CAMTA1: variants seen among roughly 807,000 people sequenced by gnomAD.
The protein encoded by CAMTA1 is calmodulin binding transcription activator 1.
In CAMTA1, 27 loss-of-function variants were observed where a neutral mutation model predicts 170.9. That is an observed-to-expected ratio of 0.16 (90% confidence interval 0.12 to 0.22). The LOEUF is 0.22. CAMTA1 is among the 10% of genes least tolerant of loss of function. The pLI, the probability that CAMTA1 is intolerant of heterozygous loss-of-function variation, is 1.00. For synonymous variants in CAMTA1, 833 were observed against 891.5 expected, an observed-to-expected ratio of 0.93 and a Z score of 1.17; for missense variants, 1,619 against 2,217.2, an observed-to-expected ratio of 0.73 and a Z score of 5.42.
intron 11 of CAMTA1, among the ~76,000 whole-genome samples, chr1:7,704,211 C>T (rs1213736885): frequency 1.4e-5 from 2 of 147,498 alleles, no homozygotes; most frequent in Admixed American, 1.3e-4. Flanking sequence ...AGCCCGGGAA[C>T]GCGGGCCCTC....
intron 5 of CAMTA1, among the ~76,000 whole-genome samples, chr1:7,265,063 T>A (rs1668706458): frequency 6.6e-6 from 1 of 152,202 alleles, no homozygotes; most frequent in Non-Finnish European, 1.5e-5. Context: ...TTTTCTGGCC[T>A]CGTGCTTGTC....
chr1:7,385,092 A>AT (rs34254610), intron 5 of CAMTA1, among the ~76,000 whole-genome samples: 25,598 of 139,950 alleles, frequency 0.18, 3,150 homozygotes, highest in East Asian at 0.52. Flanking sequence ...CCTGTTCACT[A>AT]TTTTTTTTTT....
rs750841256 is a variant in CAMTA1 at position 7,766,504 on chromosome 1, G to A, written c.*13G>A. ...CCAAGGAACTTGAAGACATACAGCA[G>A]CATCCCTTAGCAATGTGACATTGCT... On this transcript the variant is annotated 3_prime_UTR_variant, in exon 23 of 23. Coordinates refer to ENST00000303635, the MANE Select transcript of CAMTA1 (RefSeq NM_015215.4). 2.5e-6 allele frequency: 4 copies of A among 1,612,944 alleles called. No homozygotes were observed. The highest frequency in any genetic ancestry group is 4.5e-5 in the East Asian group (2 of 44,884).
Position 7,640,480 on chromosome 1 carries a change from C to T in CAMTA1, c.591C>T (p.Cys197=), listed in dbSNP as rs2095752386. The T allele has an allele frequency of 6.2e-7, 1 of 1,614,242 alleles. No individual in the cohort carries two copies. Among genetic ancestry groups the T allele is most frequent in the East Asian group, 2.2e-5 (1 of 44,878 alleles). Residue 197 remains cysteine (C), a synonymous_variant, in exon 7 of 23, where the codon TGC becomes TGT. Coordinates refer to ENST00000303635, the MANE Select transcript of CAMTA1 (RefSeq NM_015215.4). ...GCAAGCCTTGCGGCCCCATCCTCTG[C>T]TCCATCAACACCGACAAGAAGGAGT... The part of the protein sequence containing the change: ...DCGKPCGPIL[C]SINTDKKEWA...
chr1:7,098,578 C>G (rs1227074963), intron 4 of CAMTA1, among the ~76,000 whole-genome samples: 1 of 152,088 alleles, frequency 6.6e-6, no homozygotes, highest in African/African-American at 2.4e-5. Flanking sequence ...GGCGGTGTCT[C>G]GACAGTGGTA....
At chr1:6,839,330 C>T (rs771139158) in intron 3 of CAMTA1, among the ~76,000 whole-genome samples, 2 of 151,830 alleles carry the variant, frequency 1.3e-5, no homozygotes, top group Non-Finnish European at 2.9e-5. Context: ...TGCAGTGAGT[C>T]GAGATCGTGC....
intron 6 of CAMTA1, among the ~76,000 whole-genome samples, chr1:7,619,163 C>A (rs1558011578): frequency 6.6e-6 from 1 of 152,208 alleles, no homozygotes; most frequent in Non-Finnish European, 1.5e-5. Context: ...TCCAACTTCT[C>A]TCCACCTGCC....
intron 5 of CAMTA1, among the ~76,000 whole-genome samples, chr1:7,466,521 G>C (rs2093214735): frequency 6.6e-6 from 1 of 152,168 alleles, no homozygotes; most frequent in Non-Finnish European, 1.5e-5. Flanking sequence ...CGCTCTTTTG[G>C]GGGTGTAAAT....
chr1:6,875,695 T>C (rs1259241109), intron 3 of CAMTA1, among the ~76,000 whole-genome samples: 1 of 152,122 alleles, frequency 6.6e-6, no homozygotes, highest in African/African-American at 2.4e-5. Context: ...TGTGTCACTT[T>C]TAGGGACTCT....
intron 5 of CAMTA1, among the ~76,000 whole-genome samples, chr1:7,256,063 G>A (rs889529027): frequency 3.3e-5 from 5 of 152,192 alleles, no homozygotes; most frequent in African/African-American, 9.6e-5. Flanking sequence ...TTTGTGCCTC[G>A]TTCTGCTGGT....
At chr1:6,842,914 G>A (rs542417929) in intron 3 of CAMTA1, among the ~76,000 whole-genome samples, 12 of 151,392 alleles carry the variant, frequency 7.9e-5, no homozygotes, top group African/African-American at 2.7e-4. Flanking sequence ...ACAAGAGCAA[G>A]TCTCCATCTC....
chr1:6,825,530 G>T (rs1647005673), intron 3 of CAMTA1, among the ~76,000 whole-genome samples: 1 of 152,172 alleles, frequency 6.6e-6, no homozygotes, highest in African/African-American at 2.4e-5. Flanking sequence ...TTAAACGTTA[G>T]TTGTTATGTC....
intron 5 of CAMTA1, chr1:7,382,487 C>T (rs1008224749): frequency 2.6e-5 from 4 of 152,190 alleles, no homozygotes; most frequent in African/African-American, 7.2e-5. Context: ...CAGGCACAGC[C>T]CCTGGTTCTT....
chr1:6,936,699 A>G (rs1253462079), intron 3 of CAMTA1, among the ~76,000 whole-genome samples: 1 of 152,198 alleles, frequency 6.6e-6, no homozygotes, highest in Non-Finnish European at 1.5e-5. Flanking sequence ...ACTATAAACC[A>G]GAGAGAGGGT....
chr1:7,720,368 GT>G (rs1403229832), intron 11 of CAMTA1, among the ~76,000 whole-genome samples: 2 of 151,784 alleles, frequency 1.3e-5, no homozygotes, highest in Non-Finnish European at 2.9e-5. Flanking sequence ...GGGTTGGGTG[GT>G]TTTTTTTGTT....
chr1:7,281,049 G>A (rs1013351059), intron 5 of CAMTA1, among the ~76,000 whole-genome samples: 1 of 152,146 alleles, frequency 6.6e-6, no homozygotes, highest in Non-Finnish European at 1.5e-5. Context: ...TGAACTTTCT[G>A]CAGAAAAATT....
chr1:7,218,231 A>T (rs1042889560), intron 4 of CAMTA1, among the ~76,000 whole-genome samples: 9 of 152,104 alleles, frequency 5.9e-5, no homozygotes, highest in African/African-American at 2.2e-4. Flanking sequence ...ATATTTTTCA[A>T]ATGCATCGTT....
rs908134956 is a variant in CAMTA1, at chr1:6,959,824, G to GCCTTCTGCAGCACC, written c.235-131470_235-131457dup. On this transcript the variant is annotated intron_variant, in intron 3 of 22. Coordinates refer to ENST00000303635, the MANE Select transcript of CAMTA1 (RefSeq NM_015215.4). Reference sequence around the variant, plus strand: ...TGAGCCGGGTTCAGATTCAGGTCTGGCCTTCTGCAGCACCCCTTCTGCATG... The same window carrying GCCTTCTGCAGCACC: ...TGAGCCGGGTTCAGATTCAGGTCTGGCCTTCTGCAGCACCCCTTCTGCAGCACCCCTTCTGCATG... Among the ~76,000 whole-genome samples the GCCTTCTGCAGCACC allele has an allele frequency of 1.3e-5, 2 of 152,102 alleles. 1 individual carries two copies. The highest frequency in any genetic ancestry group is 2.9e-5 in the Non-Finnish European group (2 of 68,024).
At chr1:7,024,512 G>T (rs185967647) in intron 3 of CAMTA1, among the ~76,000 whole-genome samples, 276 of 152,304 alleles carry the variant, frequency 1.8e-3, no homozygotes, top group African/African-American at 6.4e-3. Context: ...GGATACTTTT[G>T]GTTCTTCAGT....
Sources: allele counts gnomAD v4.1 joint callset (sites outside exome capture counted in the v4.1 genomes callset), GRCh38; gene constraint gnomAD v4.1.1; transcripts MANE v1.5; gene names NCBI Gene and HGNC (gene_info 2026-07-23, HGNC 2026-07-21).